Variants in PDE4D observed in about 807,000 individuals in gnomAD.
The protein encoded by PDE4D is phosphodiesterase 4D, also known as 3',5'-cyclic-AMP phosphodiesterase 4D.
In PDE4D, 24 loss-of-function variants were observed where a neutral mutation model predicts 87.4. The ratio of observed to expected loss-of-function variants is 0.27; its 90% CI spans 0.20 to 0.39. PDE4D has a LOEUF of 0.39. Among genes scored for constraint, PDE4D ranks in the 10% least tolerant of loss-of-function variants. PDE4D has a pLI of 1.00. For missense variants in PDE4D, 714 were observed against 1,041.0 expected (o/e 0.69, Z 4.32); for synonymous variants, 384 against 383.2 (o/e 1.00, Z -0.02).
chr5:60,135,957 T>C (rs1780002294), intron 2 of PDE4D, among the ~76,000 whole-genome samples: 1 of 152,196 alleles, frequency 6.6e-6, no homozygotes, highest in Admixed American at 6.6e-5. Context: ...ATTAATGTTC[T>C]AAGAGCTACT....
intron 1 of PDE4D, among the ~76,000 whole-genome samples, chr5:59,728,716 A>G (rs182544726): frequency 6.6e-6 from 1 of 152,208 alleles, no homozygotes; most frequent in Admixed American, 6.6e-5. Flanking sequence ...ATTGGGTTTG[A>G]ATATTTGTTT....
At chr5:60,376,094 C>T (rs930762942) in intron 1 of PDE4D, among the ~76,000 whole-genome samples, 1 of 152,124 alleles carries the variant, frequency 6.6e-6, no homozygotes, top group African/African-American at 2.4e-5. Context: ...AACTGTCAGG[C>T]CTCGTCAGAA....
intron 1 of PDE4D, among the ~76,000 whole-genome samples, chr5:59,584,555 A>G (rs751627585): frequency 6.6e-6 from 1 of 152,242 alleles, no homozygotes; most frequent in Non-Finnish European, 1.5e-5. Context: ...CTAGAGGAGC[A>G]TGAATAAGCA....
At chr5:59,515,033 A>G (rs941458690) in intron 1 of PDE4D, among the ~76,000 whole-genome samples, 1 of 152,238 alleles carries the variant, frequency 6.6e-6, no homozygotes, top group Non-Finnish European at 1.5e-5. Flanking sequence ...ATGGCATGAA[A>G]GGCTTTAAAC....
Position 60,085,416 on chromosome 5 carries a change from C to G in PDE4D, c.43-96699G>C, listed in dbSNP as rs917424266. Among the ~76,000 whole-genome samples, 3 of 152,278 alleles carry G rather than the reference C, an allele frequency of 2.0e-5. No homozygotes were observed. The East Asian group carries it at 5.8e-4, about 29-fold the overall frequency. ...CTCTTGTTCCTCACTTCCTAACCTC[C>G]AGGCATAGCCAGTCTTATTTTCTCA... On this transcript the variant is annotated intron_variant, in intron 2 of 16. Coordinates refer to the PDE4D transcript ENST00000502484.
intron 1 of PDE4D, among the ~76,000 whole-genome samples, chr5:60,450,931 C>T (rs547494564): frequency 6.6e-6 from 1 of 152,200 alleles, no homozygotes; most frequent in South Asian, 2.1e-4. Context: ...CTATTACTGT[C>T]GCCTACATAT....
At chr5:60,279,415 C>T (rs1751676257) in intron 1 of PDE4D, among the ~76,000 whole-genome samples, 1 of 152,146 alleles carries the variant, frequency 6.6e-6, no homozygotes, top group Non-Finnish European at 1.5e-5. Context: ...CTTGCCTTTT[C>T]TGACACTATC....
At chr5:59,291,738 GTTT>G (rs57769300) in intron 1 of PDE4D, among the ~76,000 whole-genome samples, 1 of 125,568 alleles carries the variant, frequency 8.0e-6, no homozygotes, top group African/African-American at 2.8e-5. Flanking sequence ...GTAAAAAGAA[GTTT>G]TTTTTTTTTT....
At chr5:59,046,898 T>C (rs994419226) in intron 5 of PDE4D, among the ~76,000 whole-genome samples, 4 of 152,214 alleles carry the variant, frequency 2.6e-5, no homozygotes, top group African/African-American at 9.6e-5. Flanking sequence ...AGTGATATTA[T>C]TCTTTGAAAG....
intron 1 of PDE4D, among the ~76,000 whole-genome samples, chr5:60,223,193 C>T (rs995921616): frequency 1.3e-5 from 2 of 152,016 alleles, no homozygotes; most frequent in Non-Finnish European, 2.9e-5. Context: ...TTAGGAAAAT[C>T]AACATATAAC....
chr5:59,985,138 G>GTTTTTTTTT (rs1389439526), intron 3 of PDE4D, among the ~76,000 whole-genome samples: 1 of 113,194 alleles, frequency 8.8e-6, no homozygotes, highest in Non-Finnish European at 1.8e-5. Flanking sequence ...TTTGTTTTTT[G>GTTTTTTTTT]TTTTTTGTTT....
rs149359917 is a variant in PDE4D, at chr5:60,457,370, G to A, written c.-90+30572C>T. Among the ~76,000 whole-genome samples the A allele has an allele frequency of 1.2e-3, 185 of 152,236 alleles. 1 individual carries two copies. The highest frequency in any genetic ancestry group is 4.4e-3 in the African/African-American group (183 of 41,540). ...ATTTAAGAGATAGAAGGCTTGGCCT[G>A]AATAGTAAAAGAAACAGCTTGGAAG... On this transcript the variant is annotated intron_variant, in intron 1 of 16. Coordinates refer to the PDE4D transcript ENST00000502484.
intron 1 of PDE4D, among the ~76,000 whole-genome samples, chr5:60,510,351 G>C (rs1750515583): frequency 1.3e-5 from 2 of 151,962 alleles, no homozygotes; most frequent in African/African-American, 4.8e-5. Flanking sequence ...TCCATCTCAA[G>C]GTTTCTTTCT....
intron 1 of PDE4D, among the ~76,000 whole-genome samples, chr5:60,349,969 A>C (rs1402888914): frequency 6.6e-6 from 1 of 152,196 alleles, no homozygotes; most frequent in African/African-American, 2.4e-5. Context: ...ACAGATTGCC[A>C]ACCAGTTGGA....
intron 1 of PDE4D, among the ~76,000 whole-genome samples, chr5:60,467,002 T>C (rs40130): frequency 0.29 from 43,858 of 151,600 alleles, 7,648 homozygotes; most frequent in East Asian, 0.56. Context: ...TTAACAGATC[T>C]GCACTGGAAT....
rs1260354045 is a variant in PDE4D, at chr5:60,194,376, C to T, written c.-89-8689G>A. Among the ~76,000 whole-genome samples the T allele has an allele frequency of 2.6e-5, 4 of 151,788 alleles. 1 individual carries two copies. Among genetic ancestry groups the T allele is most frequent in the East Asian group, 3.9e-4 (2 of 5,192 alleles). On this transcript the variant is annotated intron_variant, in intron 1 of 16. Transcript: ENST00000502484. ...CCTCTGTCTTCTGCTGGTTCTCCAA[C>T]TGACTGCTCAACTTCTTGCTACTTC...
intron 1 of PDE4D, among the ~76,000 whole-genome samples, chr5:60,299,702 C>T (rs1753721564): frequency 6.6e-6 from 1 of 152,132 alleles, no homozygotes; most frequent in Admixed American, 6.5e-5. Context: ...GCTTCCAACT[C>T]CAACCATGTC....
At chr5:60,441,817 C>T (rs543342435) in intron 1 of PDE4D, among the ~76,000 whole-genome samples, 2 of 151,912 alleles carry the variant, frequency 1.3e-5, no homozygotes, top group East Asian at 3.9e-4. Context: ...ACATTTATGC[C>T]CCCTGCAAAC....
chr5:60,050,973 C>T (rs1582392263), intron 2 of PDE4D, among the ~76,000 whole-genome samples: 1 of 152,098 alleles, frequency 6.6e-6, no homozygotes, highest in Non-Finnish European at 1.5e-5. Flanking sequence ...GGGATCAATG[C>T]AACAAGAAGA....
Sources: allele counts gnomAD v4.1 joint callset (sites outside exome capture counted in the v4.1 genomes callset), GRCh38; gene constraint gnomAD v4.1.1; transcripts MANE v1.5; gene names NCBI Gene and HGNC (gene_info 2026-07-23, HGNC 2026-07-21).